Variants in EDA observed in about 807,000 individuals in gnomAD.
EDA encodes the protein ectodysplasin A.
Under a neutral mutation model 23.6 loss-of-function variants are expected in EDA, and 2 were observed. That is an observed-to-expected ratio of 0.08 (90% CI 0.03 to 0.27). The LOEUF is 0.27. Among genes scored for constraint, EDA ranks in the 10% least tolerant of loss-of-function variants. The pLI is 1.00. For missense variants in EDA, 229 were observed against 324.2 expected, an observed-to-expected ratio of 0.71 and a Z score of 2.26; for synonymous variants, 131 against 132.0, an observed-to-expected ratio of 0.99 and a Z score of 0.05.
At chrX:69,710,999 G>A (rs1247079018) in intron 1 of EDA, among the ~76,000 whole-genome samples, 8 of 110,924 alleles carry the variant, frequency 7.2e-5, no homozygotes, top group Admixed American at 5.8e-4. Context: ...TCTCCTGCCT[G>A]ATTGCCCTGG....
intron 1 of EDA, among the ~76,000 whole-genome samples, chrX:69,921,346 T>C (rs746052940): frequency 1.4e-4 from 16 of 111,504 alleles, no homozygotes; most frequent in Non-Finnish European, 2.6e-4. Context: ...AGGAAGAAAA[T>C]GTATGTGTAT....
chrX:69,690,709 A>G (rs767151115), intron 1 of EDA, among the ~76,000 whole-genome samples: 9 of 111,879 alleles, frequency 8.0e-5, no homozygotes, highest in Non-Finnish European at 1.5e-4. Flanking sequence ...AAGGATGGGT[A>G]TTAATTGTTC....
chrX:69,618,610 A>T (rs763808504), intron 1 of EDA, among the ~76,000 whole-genome samples: 10 of 111,524 alleles, frequency 9.0e-5, no homozygotes, highest in Non-Finnish European at 1.7e-4. Context: ...CTGGGATGAT[A>T]GTTGCTCTAA....
At chrX:69,757,785 A>G (rs1340772607) in intron 1 of EDA, among the ~76,000 whole-genome samples, 1 of 112,102 alleles carries the variant, frequency 8.9e-6, no homozygotes, top group Non-Finnish European at 1.9e-5. Context: ...ATCGTATTTT[A>G]TTTTCTATTA....
At chrX:69,956,596 G>A (rs1017648881) in intron 1 of EDA, among the ~76,000 whole-genome samples, 4 of 110,493 alleles carry the variant, frequency 3.6e-5, no homozygotes, top group African/African-American at 6.6e-5. Flanking sequence ...CGCCCACCTC[G>A]GCCTCCCAAA....
chrX:69,699,786 G>A (rs189795349), intron 1 of EDA, among the ~76,000 whole-genome samples: 15 of 110,499 alleles, frequency 1.4e-4, no homozygotes, highest in South Asian at 3.9e-4. Context: ...CGGAGTAGAC[G>A]GAAAGGTTGG....
chrX:69,927,911 C>G (rs1366343758), intron 1 of EDA, among the ~76,000 whole-genome samples: 1 of 110,799 alleles, frequency 9.0e-6, no homozygotes, highest in Non-Finnish European at 1.9e-5. Context: ...CAGGGTCACA[C>G]TAGGTAAAAA....
At position 69,645,584 on chromosome X, in the gene EDA, T is replaced by TTATATA. The variant is rs761403541; in HGVS notation, c.396+28884_396+28889dup. Among the ~76,000 whole-genome samples the TTATATA allele has an allele frequency of 2.8e-3, 152 of 54,317 alleles. 22 individuals are homozygous for TTATATA. Among genetic ancestry groups the TTATATA allele is most frequent in the East Asian group, 0.023 (10 of 435 alleles). The allele number at this position is 54,317 out of a possible 115,157, so 47.2% of individuals were successfully genotyped here. On this transcript the variant is annotated intron_variant, in intron 1 of 7. Coordinates refer to ENST00000374552, the MANE Select transcript of EDA (RefSeq NM_001399.5). ...GGTTGCTCTTAGTTCTCTAGTTCTTTTATATATATGTGTGTGTGTATATAT... is the reference window on the plus strand; with the variant it reads ...GGTTGCTCTTAGTTCTCTAGTTCTTTTATATATATATATATGTGTGTGTGTATATAT...
chrX:69,982,408 A>C (rs954154371), intron 2 of EDA, among the ~76,000 whole-genome samples: 7 of 111,325 alleles, frequency 6.3e-5, no homozygotes, highest in Non-Finnish European at 1.1e-4. Flanking sequence ...GACCATACCA[A>C]GAGTGATTGG....
At chrX:69,622,782 G>A (rs1932231108) in intron 1 of EDA, among the ~76,000 whole-genome samples, 1 of 111,337 alleles carries the variant, frequency 9.0e-6, no homozygotes, top group Admixed American at 9.6e-5. Context: ...CCTTGAAATT[G>A]TAGATATTCT....
chrX:69,979,923 A>G (rs2019380064), intron 2 of EDA, among the ~76,000 whole-genome samples: 1 of 110,487 alleles, frequency 9.1e-6, no homozygotes, highest in African/African-American at 3.3e-5. Context: ...TTTATCACTT[A>G]TATTTCTCAT....
In EDA at chrX:69,846,636, A is replaced by G. The variant is rs761228519; in HGVS notation, c.397-110391A>G. Among the ~76,000 whole-genome samples, 118 of 110,427 alleles carry G rather than the reference A, an allele frequency of 1.1e-3. 1 individual carries two copies. The highest frequency in any genetic ancestry group is 3.4e-3 in the African/African-American group (103 of 30,337). ...TTCGTCAGTCACCAAAAAGGGGGGG[A>G]AAAGTTGAAAAGGGACTGCCTGTGT... On this transcript the variant is annotated intron_variant, in intron 1 of 7. Coordinates refer to ENST00000374552, the MANE Select transcript of EDA (RefSeq NM_001399.5).
At chrX:69,770,233 T>C (rs1450744827) in intron 1 of EDA, among the ~76,000 whole-genome samples, 1 of 112,020 alleles carries the variant, frequency 8.9e-6, no homozygotes, top group African/African-American at 3.2e-5. Context: ...TAAGTTTCCA[T>C]TTCCCGGGAT....
intron 1 of EDA, among the ~76,000 whole-genome samples, chrX:69,737,303 GCT>G (rs1328498298): frequency 1.3e-4 from 14 of 111,660 alleles, no homozygotes; most frequent in Non-Finnish European, 2.3e-4. Context: ...TGTTCTATTT[GCT>G]CTCTAGTTCT....
chrX:69,799,029 AC>A (rs2015612787), intron 1 of EDA, among the ~76,000 whole-genome samples: 1 of 111,178 alleles, frequency 9.0e-6, no homozygotes, highest in African/African-American at 3.3e-5. Flanking sequence ...AGAATAGAGA[AC>A]CCAGAAACAA....
At chrX:70,013,297 G>A (rs1217085244) in intron 2 of EDA, among the ~76,000 whole-genome samples, 1 of 111,432 alleles carries the variant, frequency 9.0e-6, no homozygotes. Context: ...GCACACTGCA[G>A]CAACCACAGG....
chrX:69,829,038 C>T (rs2016540989), intron 1 of EDA, among the ~76,000 whole-genome samples: 2 of 112,384 alleles, frequency 1.8e-5, no homozygotes, highest in Middle Eastern at 9.2e-3. Flanking sequence ...TCATCATCAT[C>T]CCCCATTATT....
chrX:69,904,081 G>T (rs909461763), intron 1 of EDA, among the ~76,000 whole-genome samples: 1 of 111,084 alleles, frequency 9.0e-6, no homozygotes, highest in Non-Finnish European at 1.9e-5. Flanking sequence ...AAAAGTGTGA[G>T]ATTACAGGCG....
rs772067941 is a variant in EDA, at chrX:69,951,294, C to T, written c.397-5733C>T. 3.6e-5 allele frequency among the ~76,000 whole-genome samples: 4 copies of T among 111,449 alleles called. No homozygotes were observed. The South Asian group carries it at 1.5e-3, about 43-fold the overall frequency. On this transcript the variant is annotated intron_variant, in intron 1 of 7. Coordinates refer to ENST00000374552, the MANE Select transcript of EDA (RefSeq NM_001399.5). Reference sequence around the variant, plus strand: ...CTCTAGAGGATGCAGCAACAAGATGCCATCTTGGAAGCAGAGAGTAGCCCC... The same window carrying T: ...CTCTAGAGGATGCAGCAACAAGATGTCATCTTGGAAGCAGAGAGTAGCCCC...
Sources: allele counts gnomAD v4.1 joint callset (sites outside exome capture counted in the v4.1 genomes callset), GRCh38; gene constraint gnomAD v4.1.1; transcripts MANE v1.5; gene names NCBI Gene and HGNC (gene_info 2026-07-23, HGNC 2026-07-21).